Variants in AKT3 observed in about 807,000 individuals in gnomAD.
AKT3 encodes AKT serine/threonine kinase 3.
In AKT3, 15 loss-of-function variants were observed where a neutral mutation model predicts 65.3. That is an observed-to-expected ratio of 0.23 (90% confidence interval 0.15 to 0.35). The LOEUF is 0.35. Ranked by LOEUF, AKT3 falls within the 10% of genes least tolerant of loss-of-function variation. The pLI is 1.00. For synonymous variants in AKT3, 206 were observed against 183.8 expected (o/e 1.12, Z -0.98); for missense variants, 243 against 576.5 (o/e 0.42, Z 5.92).
At chr1:243,636,617 G>A (rs1049770011) in intron 6 of AKT3, among the ~76,000 whole-genome samples, 7 of 152,050 alleles carry the variant, frequency 4.6e-5, no homozygotes, top group Middle Eastern at 3.4e-3. Flanking sequence ...GAGCACATTC[G>A]GCTTCTACCT....
rs555391812 is a variant in AKT3, at chr1:243,664,700, A to G, written c.284+72T>C. The G allele has an allele frequency of 9.9e-6, 6 of 604,592 alleles. No homozygotes were observed. In the East Asian group the frequency reaches 2.1e-4, roughly 22 times the overall value. 37.5% of individuals were successfully genotyped at this position (604,592 alleles called of 1,614,324 possible). On this transcript the variant is annotated intron_variant, in intron 4 of 13. Transcript: ENST00000673466. ...ATATTTATATATATTTACAAATAATAAAGTCAGATACAAATACATCTTTAG... is the reference window on the plus strand; with the variant it reads ...ATATTTATATATATTTACAAATAATGAAGTCAGATACAAATACATCTTTAG...
chr1:243,523,009 TGTG>T (rs1670817968), intron 12 of AKT3, among the ~76,000 whole-genome samples: 1 of 151,794 alleles, frequency 6.6e-6, no homozygotes, highest in Non-Finnish European at 1.5e-5. Flanking sequence ...GGGATGAACT[TGTG>T]GTGAGAAGGA....
Position 243,645,819 on chromosome 1 carries a change from T to C in AKT3, c.429+74A>G. 5.7e-6 allele frequency: 8 copies of C among 1,403,232 alleles called. No homozygotes were observed. In the South Asian group the frequency reaches 7.4e-5, roughly 13 times the overall value. 86.9% of individuals were successfully genotyped at this position (1,403,232 alleles called of 1,614,324 possible). A position where few individuals can be genotyped will look rare whatever the true frequency, so the allele number is the denominator to read the frequency against. On this transcript the variant is annotated intron_variant, in intron 5 of 13. Coordinates refer to ENST00000673466, the MANE Select transcript of AKT3 (RefSeq NM_005465.7). Reference sequence around the variant, plus strand: ...GTAAGAAAACTGGCTGACATCTTTCTGCAAATGGTAGCTTTTAATATGTTT... The same window carrying C: ...GTAAGAAAACTGGCTGACATCTTTCCGCAAATGGTAGCTTTTAATATGTTT...
intron 2 of AKT3, among the ~76,000 whole-genome samples, chr1:243,787,756 A>G (rs1264762516): frequency 6.6e-6 from 1 of 152,106 alleles, no homozygotes; most frequent in Non-Finnish European, 1.5e-5. Flanking sequence ...GTTTCTATGA[A>G]TTTCATCTTC....
chr1:243,822,426 T>A, intron 2 of AKT3, among the ~76,000 whole-genome samples: 1 of 138,888 alleles, frequency 7.2e-6, no homozygotes. Context: ...GTAACCAAGA[T>A]CAGAGCAGAG....
chr1:243,819,877 G>A (rs911551588), intron 2 of AKT3, among the ~76,000 whole-genome samples: 9 of 152,304 alleles, frequency 5.9e-5, no homozygotes, highest in Non-Finnish European at 1.3e-4. Context: ...GGTCTGGAAC[G>A]GGCCCCCAGC....
rs545674849 is a variant in AKT3, at chr1:243,838,664, T to C, written c.46+4461A>G. The stretch of plus-strand genomic sequence containing the variant: ...ACAATCTTTATGTTGCTAAAGTATA[T>C]TTTGCTCAGCAGAATTAAGCTATCT... On this transcript the variant is annotated intron_variant, in intron 2 of 13. Coordinates refer to ENST00000673466, the MANE Select transcript of AKT3 (RefSeq NM_005465.7). Among the ~76,000 whole-genome samples, 16 of 152,306 alleles carry C rather than the reference T, an allele frequency of 1.1e-4. No individual in the cohort carries two copies. In the South Asian group the frequency reaches 3.3e-3, roughly 32 times the overall value.
chr1:243,625,033 G>T, intron 6 of AKT3: 1 of 354,428 alleles, frequency 2.8e-6, no homozygotes. Flanking sequence ...TCAGCTTCCA[G>T]GTATTACAGA....
At chr1:243,769,380 T>G (rs1233768301) in intron 2 of AKT3, among the ~76,000 whole-genome samples, 3 of 152,206 alleles carry the variant, frequency 2.0e-5, no homozygotes, top group African/African-American at 7.2e-5. Flanking sequence ...TTTGAGGAAC[T>G]GCTGTTTTCC....
intron 10 of AKT3, among the ~76,000 whole-genome samples, chr1:243,562,909 ATGG>A (rs1237923798): frequency 6.6e-6 from 1 of 152,158 alleles, no homozygotes; most frequent in Non-Finnish European, 1.5e-5. Context: ...TTTATATAAA[ATGG>A]TTGTTTTCCA....
At chr1:243,716,050 T>C (rs1686494341) in intron 2 of AKT3, among the ~76,000 whole-genome samples, 1 of 152,138 alleles carries the variant, frequency 6.6e-6, no homozygotes, top group African/African-American at 2.4e-5. Flanking sequence ...ATGACAACAC[T>C]GCAGAAAAAT....
intron 12 of AKT3, among the ~76,000 whole-genome samples, chr1:243,530,220 C>A (rs1328723139): frequency 6.6e-6 from 1 of 152,018 alleles, no homozygotes; most frequent in South Asian, 2.1e-4. Flanking sequence ...AGCTTTTGGG[C>A]AGAGAAAATC....
chr1:243,720,492 A>C (rs1686817515), intron 2 of AKT3, among the ~76,000 whole-genome samples: 1 of 151,566 alleles, frequency 6.6e-6, no homozygotes, highest in Admixed American at 6.6e-5. Flanking sequence ...ATATAATTAA[A>C]AGCTAAGTAT....
intron 2 of AKT3, among the ~76,000 whole-genome samples, chr1:243,813,196 T>C (rs893455441): frequency 6.6e-6 from 1 of 152,136 alleles, no homozygotes; most frequent in East Asian, 1.9e-4. Context: ...GAAAAATATA[T>C]CTTTACAGTG....
At chr1:243,702,775 T>G (rs1685548990) in intron 2 of AKT3, 1 of 152,198 alleles carries the variant, frequency 6.6e-6, no homozygotes, top group African/African-American at 2.4e-5. Flanking sequence ...CAGTATTAAT[T>G]TGACTAATAC....
At chr1:243,767,667 T>C (rs530814118) in intron 2 of AKT3, among the ~76,000 whole-genome samples, 2 of 152,238 alleles carry the variant, frequency 1.3e-5, no homozygotes, top group South Asian at 4.1e-4. Context: ...TATGATACAG[T>C]ATCTGAGATT....
chr1:243,609,928 C>G (rs61833198), intron 8 of AKT3, among the ~76,000 whole-genome samples: 26,451 of 152,014 alleles, frequency 0.17, 3,073 homozygotes, highest in Non-Finnish European at 0.27. Context: ...CTCATCCCAC[C>G]AAAGTCCCAC....
chr1:243,627,231 C>T (rs1473265504), intron 6 of AKT3, among the ~76,000 whole-genome samples: 1 of 151,960 alleles, frequency 6.6e-6, no homozygotes, highest in African/African-American at 2.4e-5. Flanking sequence ...TAGTGGCTCA[C>T]ACCTGTAATC....
At chr1:243,797,856 TAAC>T (rs1692116893) in intron 2 of AKT3, among the ~76,000 whole-genome samples, 1 of 145,874 alleles carries the variant, frequency 6.9e-6, no homozygotes, top group Non-Finnish European at 1.5e-5. Flanking sequence ...AAAGTTAGGA[TAAC>T]AAAAAAAAAA....
Sources: gnomAD v4.1 joint callset for allele counts (sites outside exome capture counted in the v4.1 genomes callset) on GRCh38, gnomAD v4.1.1 for gene constraint, MANE v1.5 for transcripts, NCBI Gene and HGNC (gene_info 2026-07-23, HGNC 2026-07-21) for gene names.